The following SEMA4A variants were observed in gnomAD, a reference collection of about 807,000 sequenced individuals.
The protein encoded by SEMA4A is semaphorin 4A, also known as semaphorin-4A.
A neutral mutation model predicts 72.5 loss-of-function variants in SEMA4A; 52 were observed. The ratio of observed to expected loss-of-function variants is 0.72; its 90% CI spans 0.57 to 0.90. The LOEUF (loss-of-function observed/expected upper bound fraction) is 0.90, where lower values mean the gene tolerates loss of function less well. Ranked by LOEUF, SEMA4A falls within the 40% of genes least tolerant of loss-of-function variation. The pLI is 0.00. For synonymous variants in SEMA4A, 369 were observed against 393.1 expected (o/e 0.94, Z 0.73); for missense variants, 926 against 959.7 (o/e 0.96, Z 0.46).
Position 156,161,495 on chromosome 1 carries a change from C to T in SEMA4A, c.960C>T (p.Ile320=). Residue 320 remains isoleucine, a synonymous_variant, in exon 9 of 15, where the codon ATC becomes ATT. Transcript: ENST00000368285. ...CCGATTCTCCCACAGCTCCCCACAT[C>T]TACGCAGTCTTCACCTCCCAGTGGT... is the stretch of plus-strand genomic sequence containing the variant. ...LPADSPTAPH[I]YAVFTSQWQV... is the part of the protein sequence containing the mutation. 6.2e-7 allele frequency: 1 copy of T among 1,614,098 alleles called. No homozygotes were observed. The highest frequency in any genetic ancestry group is 8.5e-7 in the Non-Finnish European group (1 of 1,180,008).
intron 8 of SEMA4A, 146 bp downstream of exon 8, chr1:156,161,175 C>A (rs1394777558): frequency 9.3e-6 from 3 of 320,984 alleles, no homozygotes; most frequent in South Asian, 4.8e-5. Context: ...CGGGGGACAG[C>A]GGGGCTGGGC....
upstream of SEMA4A, among the ~76,000 whole-genome samples, chr1:156,148,962 C>A (rs1652322984): frequency 6.6e-6 from 1 of 151,962 alleles, no homozygotes. Context: ...GCCACCATGC[C>A]CGGCTAATTT....
chr1:156,160,794 C>T (rs1653517109), intron 7 of SEMA4A, 111 bp from the exon 8 acceptor site: 3 of 1,518,296 alleles, frequency 2.0e-6, no homozygotes, highest in South Asian at 2.3e-5. Context: ...CTGTGGGACC[C>T]GAGGAAGCCT....
chr1:156,162,573 AC>A (rs1373411111), intron 9 of SEMA4A, among the ~76,000 whole-genome samples: 2 of 152,154 alleles, frequency 1.3e-5, no homozygotes. Flanking sequence ...GATCCAAGAG[AC>A]TCAAAGGAAG....
At chr1:156,147,402 G>A (rs1440240452), upstream of SEMA4A, 2 of 151,610 alleles carry the variant, frequency 1.3e-5, no homozygotes, top group East Asian at 3.9e-4. Context: ...TTGGACGCCT[G>A]GGTTAGGGTC....
intron 1 of SEMA4A, among the ~76,000 whole-genome samples, chr1:156,154,019 G>A (rs1652767924): frequency 6.6e-6 from 1 of 152,220 alleles, no homozygotes. Flanking sequence ...GGCTGGGGGA[G>A]AGGTTAGAGC....
At chr1:156,175,752 C>CT (rs1443804195) in intron 14 of SEMA4A, 96 bp downstream of exon 14, 17 of 888,852 alleles carry the variant, frequency 1.9e-5, no homozygotes, top group Non-Finnish European at 3.1e-5. Context: ...CCCCCAGCAC[C>CT]TGCCTGGCTT....
At chr1:156,159,030 TCAAA>T in intron 6 of SEMA4A, 2 of 190,272 alleles carry the variant, frequency 1.1e-5, no homozygotes, top group Non-Finnish European at 2.0e-5. Flanking sequence ...CGAGATCGTC[TCAAA>T]AAAAAAAAAA....
chr1:156,162,268 T>A (rs1653736617), intron 9 of SEMA4A, among the ~76,000 whole-genome samples: 1 of 152,000 alleles, frequency 6.6e-6, no homozygotes, highest in Non-Finnish European at 1.5e-5. Flanking sequence ...TCAAAAAAAA[T>A]AAATAAAAAT....
rs973696195 is a variant in SEMA4A at position 156,160,815 on chromosome 1, G to C, written c.686-90G>C. The stretch of plus-strand genomic sequence containing the variant: ...GACCCGAGGAAGCCTGTGTGTCCTG[G>C]CCTCCAGGGCCAAACCAACGGTTTT... On this transcript the variant is annotated intron_variant, in intron 7 of 14. Transcript: ENST00000368285. The C allele has an allele frequency of 1.9e-6, 3 of 1,592,122 alleles. No individual in the cohort carries two copies. In the Admixed American group the frequency reaches 5.0e-5, roughly 27 times the overall value.
chr1:156,165,977 G>A (rs1218738446), intron 10 of SEMA4A, among the ~76,000 whole-genome samples: 1 of 138,836 alleles, frequency 7.2e-6, no homozygotes, highest in East Asian at 2.0e-4. Flanking sequence ...CTCTATCTTG[G>A]CTTGCTACAA....
At chr1:156,166,651 A>T (rs956177674) in intron 10 of SEMA4A, among the ~76,000 whole-genome samples, 2 of 152,116 alleles carry the variant, frequency 1.3e-5, no homozygotes, top group African/African-American at 4.8e-5. Context: ...AAAGAAGGCC[A>T]GGTGCAGTGG....
chr1:156,153,237 C>T (rs1246088384), upstream of SEMA4A: 1 of 152,070 alleles, frequency 6.6e-6, no homozygotes, highest in Non-Finnish European at 1.5e-5. Flanking sequence ...TAGACCACTG[C>T]AGGGACTTCC....
In SEMA4A at chr1:156,176,629, G is replaced by A; in HGVS notation, c.1918G>A (p.Val640Met). 6 of 1,614,202 alleles carry A rather than the reference G, an allele frequency of 3.7e-6. No homozygotes were observed. The highest frequency in any genetic ancestry group is 5.1e-6 in the Non-Finnish European group (6 of 1,180,030). Residue 640 changes from valine (V) to methionine (M), a missense_variant, in exon 15 of 15, where the codon GTG becomes ATG. Val to Met is a conservative substitution (Grantham distance 21). Coordinates refer to ENST00000368285, the MANE Select transcript of SEMA4A (RefSeq NM_022367.4). ...TTCATACCCTGTGATCTCCTACTGG[G>A]TGGACAGCCAGGACCAGACCCTGGC... Reference protein sequence around the residue: ...GFSYPVISYWVDSQDQTLALD... With the variant: ...GFSYPVISYWMDSQDQTLALD...
intron 2 of SEMA4A, 96 bp downstream of exon 2, chr1:156,154,813 A>G (rs989470847): frequency 3.9e-5 from 54 of 1,394,126 alleles, no homozygotes; most frequent in Non-Finnish European, 4.9e-5. Flanking sequence ...GGAAATGGAT[A>G]TGGAGAAACA....
intron 10 of SEMA4A, among the ~76,000 whole-genome samples, chr1:156,171,755 TTTAATTAATTAA>T (rs113255515): frequency 2.1e-4 from 31 of 151,140 alleles, no homozygotes. Context: ...TTTTGTATTT[TTTAATTAATTAA>T]TTAATTAATT....
rs370605820 is a variant in SEMA4A, at chr1:156,158,142, G to A, written c.363+10G>A. The A allele has an allele frequency of 6.2e-7, 1 of 1,613,934 alleles. No individual in the cohort carries two copies. The highest frequency in any genetic ancestry group is 8.5e-7 in the Non-Finnish European group (1 of 1,179,936). On this transcript the variant is annotated intron_variant, in intron 4 of 14. Transcript: ENST00000368285. ...GAAGAAGAGCAATGAGGTAAGTGGA[G>A]GTGGGGGAGTAGGGGTAGAGTGGGT...
intron 11 of SEMA4A, 41 bp downstream of exon 11, chr1:156,173,047 C>T (rs1230448528): frequency 1.3e-6 from 2 of 1,588,830 alleles, no homozygotes; most frequent in African/African-American, 2.7e-5. Context: ...AGGACTAGAG[C>T]AGAGGATGCC....
chr1:156,156,692 C>T, intron 3 of SEMA4A, 118 bp downstream of exon 3: 1 of 951,926 alleles, frequency 1.1e-6, no homozygotes, highest in Non-Finnish European at 1.6e-6. Flanking sequence ...ATCAGCAGTT[C>T]TCTTTATATG....
Sources: gnomAD v4.1 joint callset for allele counts (sites outside exome capture counted in the v4.1 genomes callset) on GRCh38, gnomAD v4.1.1 for gene constraint, MANE v1.5 for transcripts, NCBI Gene and HGNC (gene_info 2026-07-23, HGNC 2026-07-21) for gene names.